Variants in ADGRB1 observed in about 807,000 individuals in gnomAD.
The protein encoded by ADGRB1 is brain-specific angiogenesis inhibitor 1.
In ADGRB1, 36 loss-of-function variants were observed where a neutral mutation model predicts 175.7. That is an observed-to-expected ratio of 0.20 (90% CI 0.16 to 0.27). The LOEUF is 0.27. Ranked by LOEUF, ADGRB1 falls within the 10% of genes least tolerant of loss-of-function variation. The pLI, the probability that ADGRB1 is intolerant of heterozygous loss-of-function variation, is 1.00. For synonymous variants in ADGRB1, 1,054 were observed against 979.4 expected, an observed-to-expected ratio of 1.08 and a Z score of -1.42; for missense variants, 1,731 against 2,255.3, an observed-to-expected ratio of 0.77 and a Z score of 4.71.
chr8:142,479,758 G>A lies in ADGRB1; in HGVS notation c.1792G>A (p.Glu598Lys). Reference sequence around the variant, plus strand: ...GATCTGGAAGGAGACCCCAGCGGGAGAGGTGGCTGCTGTCCGGTGTCCCCG... The same window carrying A: ...GATCTGGAAGGAGACCCCAGCGGGAAAGGTGGCTGCTGTCCGGTGTCCCCG... ...AVIWKETPAGEVAAVRCPRNA... is the reference protein window; with the variant it reads ...AVIWKETPAGKVAAVRCPRNA... The change falls in exon 9 of 31, where the codon GAG becomes AAG. Residue 598 changes from glutamate to lysine, a missense_variant. By Grantham distance (56) the Glu-to-Lys change is moderately conservative. This residue lies in a region of ADGRB1 where 388 missense variants were observed against 630.9 expected (regional missense o/e 0.61). Coordinates refer to ENST00000517894, the MANE Select transcript of ADGRB1 (RefSeq NM_001702.3). The A allele has an allele frequency of 6.2e-7, 1 of 1,613,638 alleles. No homozygotes were observed. The highest frequency in any genetic ancestry group is 8.5e-7 in the Non-Finnish European group (1 of 1,179,674).
At chr8:142,479,029 G>C (rs974283135) in intron 7 of ADGRB1, 38 of 347,388 alleles carry the variant, frequency 1.1e-4, no homozygotes, top group African/African-American at 2.2e-5. Context: ...GTGTCTGTGG[G>C]GAAGTGGAGT....
chr8:142,486,748 G>A (rs892788693), intron 13 of ADGRB1, among the ~76,000 whole-genome samples: 1 of 152,242 alleles, frequency 6.6e-6, no homozygotes, highest in Admixed American at 6.5e-5. Context: ...GTTAGGCACA[G>A]CGGCTCACGC....
rs2132040020 is a variant in ADGRB1, at chr8:142,511,061, C to T, written c.2805C>T (p.Leu935=). ...RLSTFAILAQ[L]SADANMEKAT... is the part of the protein sequence containing the mutation. ...CCACCTTCGCCATCTTAGCCCAGCT[C>T]AGCGCCGACGCGGTGAGACCCCGGC... The change falls in exon 18 of 31, where the codon CTC becomes CTT. Residue 935 remains leucine (L), a synonymous_variant. Coordinates refer to ENST00000517894, the MANE Select transcript of ADGRB1 (RefSeq NM_001702.3). The surrounding 1 kb of genome is among the most constrained non-coding windows in gnomAD (Gnocchi z 4.5). 8.2e-7 allele frequency: 1 copy of T among 1,226,090 alleles called. No homozygotes were observed. 76.0% of individuals were successfully genotyped at this position (1,226,090 alleles called of 1,614,324 possible).
intron 27 of ADGRB1, among the ~76,000 whole-genome samples, chr8:142,540,570 G>T (rs1455201515): frequency 6.6e-6 from 1 of 152,230 alleles, no homozygotes; most frequent in Non-Finnish European, 1.5e-5. Context: ...CCTGGGCCTG[G>T]GGGGAGCTTG....
At chr8:142,465,820 GA>G in intron 2 of ADGRB1, among the ~76,000 whole-genome samples, 1 of 152,332 alleles carries the variant, frequency 6.6e-6, no homozygotes, top group African/African-American at 2.4e-5. Context: ...CTCATGCCAG[GA>G]AGAGAGAACG....
intron 18 of ADGRB1, among the ~76,000 whole-genome samples, chr8:142,516,607 GGTGT>G (rs149819921): frequency 1.3e-4 from 19 of 141,316 alleles, no homozygotes; most frequent in East Asian, 8.6e-4. Context: ...GCAGGCCACA[GGTGT>G]GTGTGTGTGT....
Position 142,544,619 on chromosome 8 carries a change from G to A in ADGRB1, c.*202G>A, listed in dbSNP as rs1382556531. On this transcript the variant is annotated 3_prime_UTR_variant, in exon 31 of 31. Transcript: ENST00000517894. Reference sequence around the variant, plus strand: ...CAGGACAGGAGGCGGCCCGGCCAGCGGGCACAGGGCACCAGAGGCCGAAGG... The same window carrying A: ...CAGGACAGGAGGCGGCCCGGCCAGCAGGCACAGGGCACCAGAGGCCGAAGG... The A allele has an allele frequency of 1.1e-5, 6 of 535,090 alleles. No individual in the cohort carries two copies. Among genetic ancestry groups the A allele is most frequent in the Non-Finnish European group, 1.8e-5 (6 of 339,932 alleles). The allele number at this position is 535,090 out of a possible 1,614,324, so 33.1% of individuals were successfully genotyped here.
chr8:142,481,795 A>G, intron 11 of ADGRB1, 84 bp downstream of exon 11: 2 of 1,245,494 alleles, frequency 1.6e-6, no homozygotes, highest in Admixed American at 2.8e-5. Flanking sequence ...TGGATCCCCA[A>G]CCCTGGCCAC....
intron 2 of ADGRB1, among the ~76,000 whole-genome samples, chr8:142,473,162 C>T (rs918101384): frequency 1.3e-5 from 2 of 152,208 alleles, no homozygotes; most frequent in Admixed American, 6.5e-5. Context: ...GAGTGGCATC[C>T]TCCGATGAGC....
Position 142,479,702 on chromosome 8 carries a change from A to G in ADGRB1, c.1736A>G (p.Glu579Gly). Residue 579 changes from glutamate to glycine, a missense_variant, in exon 9 of 31, where the codon GAG becomes GGG. Glu to Gly is a moderately conservative substitution (Grantham distance 98). This residue lies in a region of ADGRB1 where 388 missense variants were observed against 630.9 expected (regional missense o/e 0.61). Transcript: ENST00000517894. ...CGTQRCPEPH[E>G]ICDEDNFGAV... ...CCGGGCCCCTTGGCAGAGCCCCATGAGATCTGTGATGAGGACAACTTTGGT... is the reference window on the plus strand; with the variant it reads ...CCGGGCCCCTTGGCAGAGCCCCATGGGATCTGTGATGAGGACAACTTTGGT... The G allele has an allele frequency of 6.2e-7, 1 of 1,613,130 alleles. No individual in the cohort carries two copies. Among genetic ancestry groups the G allele is most frequent in the Non-Finnish European group, 8.5e-7 (1 of 1,179,470 alleles).
At chr8:142,539,334 C>A in intron 26 of ADGRB1, 40 bp from the exon 27 acceptor site, 1 of 1,559,270 alleles carries the variant, frequency 6.4e-7, no homozygotes. Context: ...ACCCCCGCTC[C>A]CAGAGGCGCT....
Position 142,543,814 on chromosome 8 carries a change from C to T in ADGRB1, c.4557+106C>T, listed in dbSNP as rs1038797373. On this transcript the variant is annotated intron_variant, in intron 30 of 30. Coordinates refer to ENST00000517894, the MANE Select transcript of ADGRB1 (RefSeq NM_001702.3). This position sits in a 1 kb window ranked among gnomAD's most constrained non-coding sequence, Gnocchi z 4.4. Reference sequence around the variant, plus strand: ...TTCATCCATCCATCCATCCATCCATCCATTCGTTCATTCATTCATTCATTC... The same window carrying T: ...TTCATCCATCCATCCATCCATCCATTCATTCGTTCATTCATTCATTCATTC... 5.9e-5 allele frequency: 66 copies of T among 1,119,766 alleles called. No homozygotes were observed. The highest frequency in any genetic ancestry group is 4.2e-4 in the Admixed American group (21 of 49,432). 69.4% of individuals were successfully genotyped at this position (1,119,766 alleles called of 1,614,324 possible).
intron 1 of ADGRB1, among the ~76,000 whole-genome samples, chr8:142,457,311 T>G (rs1189081908): frequency 1.3e-5 from 2 of 152,212 alleles, no homozygotes; most frequent in East Asian, 3.9e-4. Context: ...GGGGGTCAGA[T>G]GAAGGTCTGT....
intron 18 of ADGRB1, among the ~76,000 whole-genome samples, chr8:142,513,828 G>A (rs573982099): frequency 6.6e-6 from 1 of 152,224 alleles, no homozygotes; most frequent in Admixed American, 6.5e-5. Context: ...CGGGGAAGTG[G>A]GCACAGGCGT....
intron 18 of ADGRB1, among the ~76,000 whole-genome samples, chr8:142,513,837 G>A (rs1003092021): frequency 1.3e-5 from 2 of 152,092 alleles, no homozygotes; most frequent in African/African-American, 2.4e-5. Flanking sequence ...GGGCACAGGC[G>A]TGGGCTCAGC....
chr8:142,465,794 C>T (rs1051634674), intron 2 of ADGRB1, among the ~76,000 whole-genome samples: 2 of 152,110 alleles, frequency 1.3e-5, no homozygotes, highest in Admixed American at 1.3e-4. Flanking sequence ...CAAAGCTCTG[C>T]GAGAGGTGGG....
At position 142,455,059 on chromosome 8, in the gene ADGRB1, C is replaced by T. The variant is rs934136073; in HGVS notation, c.-220+4955C>T. ...CCTGCTCATCGCCAGCCGCAGCACC[C>T]TCATATTTGACACCAGCACCCTCAC... On this transcript the variant is annotated intron_variant, in intron 1 of 30. Coordinates refer to ENST00000517894, the MANE Select transcript of ADGRB1 (RefSeq NM_001702.3). The surrounding 1 kb of genome is among the most constrained non-coding windows in gnomAD (Gnocchi z 4.9). 6.6e-6 allele frequency among the ~76,000 whole-genome samples: 1 copy of T among 151,714 alleles called. No individual in the cohort carries two copies. The highest frequency in any genetic ancestry group is 6.6e-5 in the Admixed American group (1 of 15,244).
intron 17 of ADGRB1, among the ~76,000 whole-genome samples, chr8:142,497,052 G>A (rs897393957): frequency 6.6e-6 from 1 of 152,232 alleles, no homozygotes; most frequent in Admixed American, 6.5e-5. Flanking sequence ...CTCAGGCCAG[G>A]CACCATGAGA....
At chr8:142,512,731 A>C (rs1382076355) in intron 18 of ADGRB1, among the ~76,000 whole-genome samples, 2 of 152,176 alleles carry the variant, frequency 1.3e-5, no homozygotes, top group African/African-American at 4.8e-5. Flanking sequence ...ACTCGGAGAG[A>C]GTCCCAGGAA....
Sources: gnomAD v4.1 joint callset for allele counts (sites outside exome capture counted in the v4.1 genomes callset) on GRCh38, gnomAD v4.1.1 for gene constraint, gnomAD v4.1.1 regional missense constraint, Gnocchi (gnomAD v3.1) non-coding constraint, MANE v1.5 for transcripts, NCBI Gene and HGNC (gene_info 2026-07-23, HGNC 2026-07-21) for gene names.